GALNT7: variants seen among roughly 807,000 people sequenced by gnomAD.
GALNT7 encodes the protein N-acetylgalactosaminyltransferase 7.
Under a neutral mutation model 82.1 loss-of-function variants are expected in GALNT7, and 60 were observed. The ratio of observed to expected loss-of-function variants is 0.73; its 90% CI spans 0.59 to 0.91. The LOEUF is 0.91. Ranked by LOEUF, GALNT7 falls within the 40% of genes least tolerant of loss-of-function variation. The pLI is 0.00. For synonymous variants in GALNT7, 243 were observed against 275.1 expected (o/e 0.88, Z 1.15); for missense variants, 660 against 804.2 (o/e 0.82, Z 2.17).
Position 173,321,898 on chromosome 4 carries a change from T to C in GALNT7, c.*181T>C, listed in dbSNP as rs572267728. The C allele has an allele frequency of 1.9e-6, 1 of 523,272 alleles. No individual in the cohort carries two copies. The highest frequency in any genetic ancestry group is 1.9e-5 in the African/African-American group (1 of 52,572). The allele number at this position is 523,272 out of a possible 1,614,324, so 32.4% of individuals were successfully genotyped here. ...TTTACAATAACATTATCATCTGCAG[T>C]TACTGTTTACAAGACTGCTTTTACC... On this transcript the variant is annotated 3_prime_UTR_variant, in exon 12 of 12. Coordinates refer to ENST00000265000, the MANE Select transcript of GALNT7 (RefSeq NM_017423.3).
chr4:173,181,858 T>A (rs1732259859), intron 1 of GALNT7, among the ~76,000 whole-genome samples: 1 of 152,224 alleles, frequency 6.6e-6, no homozygotes, highest in African/African-American at 2.4e-5. Context: ...TTTTAATGAA[T>A]GCGGCTTCGT....
At chr4:173,207,810 A>G (rs989501315) in intron 1 of GALNT7, among the ~76,000 whole-genome samples, 1 of 152,206 alleles carries the variant, frequency 6.6e-6, no homozygotes, top group African/African-American at 2.4e-5. Flanking sequence ...GCATTTTAGA[A>G]AGGTTATGTA....
Position 173,295,418 on chromosome 4 carries a change from T to A in GALNT7, c.777T>A (p.Asp259Glu). 6.3e-7 allele frequency: 1 copy of A among 1,592,778 alleles called. No homozygotes were observed. Among genetic ancestry groups the A allele is most frequent in the Non-Finnish European group, 8.6e-7 (1 of 1,161,106 alleles). ...CAGAACACTTAAAAGAAAAACTGGATGAATATATTAAGCTGTGGAATGGCC... is the reference window on the plus strand; with the variant it reads ...CAGAACACTTAAAAGAAAAACTGGAAGAATATATTAAGCTGTGGAATGGCC... ...SNKEHLKEKL[D>E]EYIKLWNGLV... Residue 259 changes from aspartate to glutamate, a missense_variant, in exon 4 of 12, where the codon GAT (aspartate) becomes GAA (glutamate). Around this residue, in one of 2 missense-constraint regions of GALNT7, gnomAD observed 527 missense variants for 683.5 expected, o/e 0.77. Coordinates refer to ENST00000265000, the MANE Select transcript of GALNT7 (RefSeq NM_017423.3).
intron 1 of GALNT7, among the ~76,000 whole-genome samples, chr4:173,224,822 C>A (rs1303453256): frequency 1.3e-5 from 2 of 151,572 alleles, no homozygotes; most frequent in South Asian, 2.1e-4. Flanking sequence ...ACCATCCTGG[C>A]TAACACGGTG....
chr4:173,272,834 G>T (rs1349518109), intron 2 of GALNT7, among the ~76,000 whole-genome samples: 1 of 152,118 alleles, frequency 6.6e-6, no homozygotes, highest in South Asian at 2.1e-4. Context: ...TGTCTGTTCT[G>T]TGAGTTAATA....
At chr4:173,191,685 C>G (rs1374732668) in intron 1 of GALNT7, among the ~76,000 whole-genome samples, 3 of 152,172 alleles carry the variant, frequency 2.0e-5, no homozygotes, top group Non-Finnish European at 4.4e-5. Context: ...TGAGGAGTGT[C>G]TTGCACATAT....
intron 1 of GALNT7, among the ~76,000 whole-genome samples, chr4:173,178,066 T>G (rs62341135): frequency 3.4e-5 from 4 of 117,896 alleles, no homozygotes; most frequent in East Asian, 3.1e-4. Flanking sequence ...CGCACGCGCG[T>G]GCGCACAGAC....
intron 1 of GALNT7, among the ~76,000 whole-genome samples, chr4:173,200,134 A>G (rs1257183481): frequency 6.6e-6 from 1 of 152,234 alleles, no homozygotes; most frequent in African/African-American, 2.4e-5. Context: ...CTATTTGTGC[A>G]TGGAAGAAGC....
intron 1 of GALNT7, among the ~76,000 whole-genome samples, chr4:173,181,203 T>G (rs1032799925): frequency 9.2e-5 from 14 of 152,192 alleles, no homozygotes; most frequent in African/African-American, 3.4e-4. Context: ...GATTGGAAAT[T>G]TTTATCACTT....
intron 2 of GALNT7, among the ~76,000 whole-genome samples, chr4:173,274,149 G>A (rs1179665410): frequency 6.6e-6 from 1 of 152,094 alleles, no homozygotes; most frequent in Non-Finnish European, 1.5e-5. Context: ...CCAGTCCTAG[G>A]AATCCCTGCC....
At chr4:173,178,066 TGCGC>T (rs1401096932) in intron 1 of GALNT7, among the ~76,000 whole-genome samples, 6 of 117,824 alleles carry the variant, frequency 5.1e-5, no homozygotes, top group African/African-American at 2.0e-4. Flanking sequence ...CGCACGCGCG[TGCGC>T]ACAGACACCT....
chr4:173,273,849 A>C lies in GALNT7; in HGVS notation c.588-18259A>C, dbSNP rs181632579. Among the ~76,000 whole-genome samples, 277 of 152,304 alleles carry C rather than the reference A, an allele frequency of 1.8e-3. 2 individuals are homozygous for C. Among genetic ancestry groups the C allele is most frequent in the Non-Finnish European group, 1.8e-3 (124 of 68,030 alleles). ...AGCTGCTCAAAGTCCTTGTGGAATA[A>C]GGTGTAGCATAAGTTAATAACTAAG... On this transcript the variant is annotated intron_variant, in intron 2 of 11. Coordinates refer to ENST00000265000, the MANE Select transcript of GALNT7 (RefSeq NM_017423.3).
intron 2 of GALNT7, among the ~76,000 whole-genome samples, chr4:173,285,960 C>T (rs1217957205): frequency 6.6e-6 from 1 of 151,898 alleles, no homozygotes; most frequent in Admixed American, 6.6e-5. Context: ...GGGTCTTTCA[C>T]GTATGCATCA....
intron 1 of GALNT7, among the ~76,000 whole-genome samples, chr4:173,234,887 A>G (rs1219809712): frequency 6.6e-6 from 1 of 152,110 alleles, no homozygotes; most frequent in Non-Finnish European, 1.5e-5. Context: ...CTCTGCACAC[A>G]CCTGCTTCCC....
chr4:173,321,385 T>C (rs1733227147), intron 11 of GALNT7, among the ~76,000 whole-genome samples, 195 bp from the exon 12 acceptor site: 2 of 152,106 alleles, frequency 1.3e-5, no homozygotes, highest in Non-Finnish European at 2.9e-5. Context: ...CAATGAAAGA[T>C]CTTAGGACTT....
intron 1 of GALNT7, among the ~76,000 whole-genome samples, chr4:173,226,129 T>G (rs1031372652): frequency 2.7e-4 from 41 of 152,332 alleles, no homozygotes; most frequent in African/African-American, 9.6e-4. Context: ...AACTGATCGC[T>G]GATCACAGTG....
chr4:173,205,628 T>TGACA (rs1733064916), intron 1 of GALNT7, among the ~76,000 whole-genome samples: 1 of 152,080 alleles, frequency 6.6e-6, no homozygotes. Flanking sequence ...CCCAGTCCAA[T>TGACA]GACAGGTTAG....
At chr4:173,304,214 C>A in intron 8 of GALNT7, 96 bp downstream of exon 8, 1 of 980,092 alleles carries the variant, frequency 1.0e-6, no homozygotes, top group Non-Finnish European at 1.5e-6. Context: ...ATTGAGTGGG[C>A]TCTTCAGCAG....
chr4:173,261,165 G>C (rs762958869), intron 2 of GALNT7, among the ~76,000 whole-genome samples: 6 of 152,148 alleles, frequency 3.9e-5, no homozygotes, highest in Non-Finnish European at 8.8e-5. Flanking sequence ...TGTGCAGCCA[G>C]AACAAATTCT....
Sources: gnomAD v4.1 joint callset for allele counts (sites outside exome capture counted in the v4.1 genomes callset) on GRCh38, gnomAD v4.1.1 for gene constraint, gnomAD v4.1.1 regional missense constraint, MANE v1.5 for transcripts, NCBI Gene and HGNC (gene_info 2026-07-23, HGNC 2026-07-21) for gene names.